C12orf76: variants seen among roughly 807,000 people sequenced by gnomAD.
C12orf76 encodes chromosome 12 open reading frame 76.
C12orf76 carries 6 observed loss-of-function variants against 6.8 expected under a neutral mutation model. The observed-to-expected ratio is 0.88, with a 90% CI of 0.48 to 1.73. The LOEUF is 1.73. Among genes scored for constraint, C12orf76 ranks in the 40% most tolerant of loss-of-function variants. The pLI is 0.01. For missense variants in C12orf76, 99 were observed against 98.2 expected (o/e 1.01, Z -0.03); for synonymous variants, 56 against 43.7 (o/e 1.28, Z -1.11).
In C12orf76 at chr12:110,048,516, C is replaced by T; in HGVS notation, c.-21G>A. ...AGCATCTTCCCCAGCCCTGCAGAAG[C>T]AGAGAGGCCACTTCCGTCGCAAGCC... On this transcript the variant is annotated 5_prime_UTR_variant, in exon 1 of 2. Transcript: ENST00000615315. The T allele has an allele frequency of 2.2e-6, 3 of 1,394,998 alleles. No homozygotes were observed. The highest frequency in any genetic ancestry group is 2.8e-6 in the Non-Finnish European group (3 of 1,075,834). 86.4% of individuals were successfully genotyped at this position (1,394,998 alleles called of 1,614,324 possible). A position where few individuals can be genotyped will look rare whatever the true frequency, so the allele number is the denominator to read the frequency against.
chr12:110,059,417 G>A (rs370671294), intron 2 of C12orf76, among the ~76,000 whole-genome samples: 1 of 152,152 alleles, frequency 6.6e-6, no homozygotes, highest in Non-Finnish European at 1.5e-5. Flanking sequence ...GAACAGCAGC[G>A]GTGAAAGCGG....
chr12:110,058,492 C>T (rs1367379789), intron 3 of C12orf76, among the ~76,000 whole-genome samples: 4 of 152,174 alleles, frequency 2.6e-5, no homozygotes, highest in Non-Finnish European at 4.4e-5. Flanking sequence ...GGCGGAAACC[C>T]TGTCTCTACT....
intron 2 of C12orf76, among the ~76,000 whole-genome samples, chr12:110,063,431 T>C (rs990458556): frequency 3.3e-5 from 5 of 149,368 alleles, no homozygotes; most frequent in African/African-American, 1.2e-4. Flanking sequence ...TACAGGTGCC[T>C]ACCACTACGC....
In C12orf76 at chr12:110,048,262, C is replaced by T. The variant is rs568882267; in HGVS notation, c.133+101G>A. On this transcript the variant is annotated intron_variant, in intron 1 of 1. Transcript: ENST00000615315. Reference sequence around the variant, plus strand: ...GCACCCCCCGCACTCACCCATCTCCCCACTCTATCCCCTGTCCGCTCCGTA... The same window carrying T: ...GCACCCCCCGCACTCACCCATCTCCTCACTCTATCCCCTGTCCGCTCCGTA... 175 of 1,346,442 alleles carry T rather than the reference C, an allele frequency of 1.3e-4. No homozygotes were observed. The African/African-American group carries it at 2.2e-3, about 17-fold the overall frequency. The allele number at this position is 1,346,442 out of a possible 1,614,324, so 83.4% of individuals were successfully genotyped here. A position where few individuals can be genotyped will look rare whatever the true frequency, so the allele number is the denominator to read the frequency against.
rs115389975 is a variant in C12orf76, at chr12:110,042,729, G to C, written c.134-270C>G. ...GGAGACAGGGTGGGCAGCAAGAAGG[G>C]GGGACAGTCAGGAAGCATCCGAGGA... On this transcript the variant is annotated intron_variant, in intron 1 of 1. Transcript: ENST00000615315. The C allele has an allele frequency of 2.4e-3, 1,505 of 631,486 alleles. 19 individuals are homozygous for C. In the African/African-American group the frequency reaches 0.024, roughly 10 times the overall value. The allele number at this position is 631,486 out of a possible 1,614,324, so 39.1% of individuals were successfully genotyped here. A position where few individuals can be genotyped will look rare whatever the true frequency, so the allele number is the denominator to read the frequency against.
intron 1 of C12orf76, among the ~76,000 whole-genome samples, chr12:110,043,758 G>A (rs1892377228): frequency 6.6e-6 from 1 of 151,982 alleles, no homozygotes; most frequent in Non-Finnish European, 1.5e-5. Flanking sequence ...AGGAGGCTGA[G>A]GCAGGAGAAT....
At chr12:110,067,315 G>T (rs575051569) in intron 1 of C12orf76, among the ~76,000 whole-genome samples, 3 of 152,274 alleles carry the variant, frequency 2.0e-5, no homozygotes, top group East Asian at 3.9e-4. Flanking sequence ...AAATGAGCAG[G>T]TCTTCTGGTG....
Position 110,048,414 on chromosome 12 carries a change from C to A in C12orf76, c.82G>T (p.Asp28Tyr). Residue 28 changes from aspartate to tyrosine, a missense_variant, in exon 1 of 2, where the codon GAT (aspartate) becomes TAT (tyrosine). By Grantham distance (160) the Asp-to-Tyr change is radical. Coordinates refer to ENST00000615315, the MANE Select transcript of C12orf76 (RefSeq NM_001389625.1). ...VGEAEAPSPV[D>Y]PLERSRPYAV... is the part of the protein sequence containing the mutation. ...TACGGCCGGCTCCGCTCCAGCGGAT[C>A]CACGGGGCTCGGGGCCTCTGCCTCC... is the stretch of plus-strand genomic sequence containing the variant. The A allele has an allele frequency of 5.9e-6, 9 of 1,516,420 alleles. No homozygotes were observed. Among genetic ancestry groups the A allele is most frequent in the Non-Finnish European group, 7.9e-6 (9 of 1,137,358 alleles). The allele number at this position is 1,516,420 out of a possible 1,614,324, so 93.9% of individuals were successfully genotyped here. A position where few individuals can be genotyped will look rare whatever the true frequency, so the allele number is the denominator to read the frequency against.
chr12:110,053,282 C>G (rs1304037434), upstream of C12orf76, among the ~76,000 whole-genome samples: 1 of 151,922 alleles, frequency 6.6e-6, no homozygotes, highest in Non-Finnish European at 1.5e-5. Flanking sequence ...GTGGATCACT[C>G]AAGACCAGAA....
chr12:110,066,448 G>A (rs1471266645), intron 1 of C12orf76, among the ~76,000 whole-genome samples: 4 of 149,684 alleles, frequency 2.7e-5, no homozygotes, highest in Non-Finnish European at 5.9e-5. Flanking sequence ...AGCACTTTGG[G>A]AGGCCGAGGC....
At chr12:110,042,673 TG>T (rs920925076) in intron 1 of C12orf76, 8 of 655,106 alleles carry the variant, frequency 1.2e-5, no homozygotes, top group Non-Finnish European at 2.2e-5. Context: ...TGATATACCG[TG>T]AAAAAAAAAA....
intron 1 of C12orf76, 61 bp downstream of exon 1, chr12:110,048,301 AG>A (rs1892502665): frequency 2.8e-6 from 4 of 1,433,324 alleles, no homozygotes; most frequent in Non-Finnish European, 3.7e-6. Flanking sequence ...GCCCGGCTCC[AG>A]CACCCGGAGC....
At chr12:110,058,065 C>CAAAAAAAAAAAAAAAAAAAAA (rs59838926) in intron 3 of C12orf76, among the ~76,000 whole-genome samples, 1 of 52,672 alleles carries the variant, frequency 1.9e-5, no homozygotes, top group African/African-American at 6.7e-5. Context: ...GACTCGGTCT[C>CAAAAAAAAAAAAAAAAAAAAA]AAAAAAAAAA....
intron 2 of C12orf76, among the ~76,000 whole-genome samples, chr12:110,064,122 G>A (rs1331908967): frequency 1.3e-5 from 2 of 152,196 alleles, no homozygotes; most frequent in African/African-American, 2.4e-5. Flanking sequence ...GAGGAACAGA[G>A]TGGGGCCCTT....
exon 3 of C12orf76, chr12:110,059,146 C>T (rs1185656090): frequency 6.5e-7 from 1 of 1,547,038 alleles, no homozygotes; most frequent in Non-Finnish European, 8.7e-7. Flanking sequence ...TTCCAATTTC[C>T]TTTTCAAATG....
Position 110,042,107 on chromosome 12 carries a change from C to G in C12orf76, c.*267G>C. ...TTCTCATGAACACTCCATCTTTACA[C>G]TGACCTTTGGAGCTTTCAGGTCTTA... On this transcript the variant is annotated 3_prime_UTR_variant, in exon 2 of 2. Coordinates refer to ENST00000615315, the MANE Select transcript of C12orf76 (RefSeq NM_001389625.1). 3.8e-6 allele frequency: 2 copies of G among 519,626 alleles called. No homozygotes were observed. Among genetic ancestry groups the G allele is most frequent in the Non-Finnish European group, 7.0e-6 (2 of 287,106 alleles). 32.2% of individuals were successfully genotyped at this position (519,626 alleles called of 1,614,324 possible). A position where few individuals can be genotyped will look rare whatever the true frequency, so the allele number is the denominator to read the frequency against.
chr12:110,063,423 C>T (rs1234118687), intron 2 of C12orf76, among the ~76,000 whole-genome samples: 1 of 150,594 alleles, frequency 6.6e-6, no homozygotes, highest in African/African-American at 2.4e-5. Context: ...GCTGGGATTA[C>T]AGGTGCCTAC....
At chr12:110,064,311 C>T (rs1329815196) in intron 2 of C12orf76, among the ~76,000 whole-genome samples, 3 of 152,186 alleles carry the variant, frequency 2.0e-5, no homozygotes, top group Non-Finnish European at 4.4e-5. Context: ...GTCCTAGCTG[C>T]AAGGGAACCT....
chr12:110,050,766 C>T, upstream of C12orf76: 1 of 571,540 alleles, frequency 1.7e-6, no homozygotes, highest in East Asian at 2.9e-5. Context: ...TATGGAGTAG[C>T]CATTCTTTTA....
Sources: allele counts gnomAD v4.1 joint callset (sites outside exome capture counted in the v4.1 genomes callset), GRCh38; gene constraint gnomAD v4.1.1; transcripts MANE v1.5; gene names NCBI Gene and HGNC (gene_info 2026-07-23, HGNC 2026-07-21).